SPRED1: variants seen among roughly 807,000 people sequenced by gnomAD.
SPRED1 encodes sprouty-related, EVH1 domain-containing protein 1.
SPRED1 carries 18 observed loss-of-function variants against 52.3 expected under a neutral mutation model. The observed-to-expected ratio is 0.34, with a 90% confidence interval of 0.24 to 0.51. The LOEUF (loss-of-function observed/expected upper bound fraction) is 0.51, where lower values mean the gene tolerates loss of function less well. Ranked by LOEUF, SPRED1 falls within the 20% of genes least tolerant of loss-of-function variation. The probability of loss-of-function intolerance (pLI) is 0.97; values close to 1 mark genes in which losing one functional copy is unlikely to be tolerated. For missense variants in SPRED1, 485 were observed against 551.0 expected (o/e 0.88, Z 1.20); for synonymous variants, 155 against 179.7 (o/e 0.86, Z 1.10).
At chr15:38,259,835 T>G (rs1566846494) in intron 1 of SPRED1, among the ~76,000 whole-genome samples, 3 of 152,238 alleles carry the variant, frequency 2.0e-5, no homozygotes, top group South Asian at 4.1e-4. Context: ...CATAGCTGCA[T>G]CTCAGAATCC....
intron 1 of SPRED1, among the ~76,000 whole-genome samples, chr15:38,283,992 G>GAAT (rs1167804782): frequency 6.6e-6 from 1 of 152,080 alleles, no homozygotes; most frequent in Non-Finnish European, 1.5e-5. Flanking sequence ...TTGTCCATGT[G>GAAT]ATTATAAAAG....
At chr15:38,301,602 C>A (rs1435569971) in intron 2 of SPRED1, among the ~76,000 whole-genome samples, 2 of 152,054 alleles carry the variant, frequency 1.3e-5, no homozygotes, top group East Asian at 3.9e-4. Context: ...TAACTCATGG[C>A]TGTAAATTGA....
rs188754645 is a variant in SPRED1, at chr15:38,352,400, A to T, written c.*736A>T. ...TGAGTTATATCTGTACATTCTGGTAATCTAAAATCCTTAAAAATACTCTAA... is the reference window on the plus strand; with the variant it reads ...TGAGTTATATCTGTACATTCTGGTATTCTAAAATCCTTAAAAATACTCTAA... On this transcript the variant is annotated 3_prime_UTR_variant, in exon 7 of 7. Transcript: ENST00000299084. 6.6e-6 allele frequency: 1 copy of T among 152,550 alleles called. No individual in the cohort carries two copies. Among genetic ancestry groups the T allele is most frequent in the African/African-American group, 2.4e-5 (1 of 41,514 alleles). The allele number at this position is 152,550 out of a possible 1,614,324, so 9.4% of individuals were successfully genotyped here.
intron 4 of SPRED1, among the ~76,000 whole-genome samples, chr15:38,336,514 G>A (rs1895926183): frequency 6.8e-6 from 1 of 146,454 alleles, no homozygotes; most frequent in Admixed American, 6.9e-5. Flanking sequence ...AGAAATCTCT[G>A]GAACAAATAC....
At position 38,336,428 on chromosome 15, in the gene SPRED1, A is replaced by G. The variant is rs2382132; in HGVS notation, c.424-3309A>G. Among the ~76,000 whole-genome samples the G allele has an allele frequency of 9.6e-4, 39 of 40,542 alleles. No homozygotes were observed. The Admixed American group carries it at 0.01, about 11-fold the overall frequency. 26.6% of individuals were successfully genotyped at this position (40,542 alleles called of 152,430 possible). A position where few individuals can be genotyped will look rare whatever the true frequency, so the allele number is the denominator to read the frequency against. ...TGTGTATGTGTATGTGTGTGTATATATATATATAATATTATATATATGTTA... is the reference window on the plus strand; with the variant it reads ...TGTGTATGTGTATGTGTGTGTATATGTATATATAATATTATATATATGTTA... On this transcript the variant is annotated intron_variant, in intron 4 of 6. Transcript: ENST00000299084.
chr15:38,340,019 C>T, intron 5 of SPRED1, 124 bp downstream of exon 5: 2 of 1,230,790 alleles, frequency 1.6e-6, no homozygotes, highest in Non-Finnish European at 2.3e-6. Flanking sequence ...AACAAAAACC[C>T]CACAAACAAA....
intron 1 of SPRED1, among the ~76,000 whole-genome samples, chr15:38,253,527 C>T (rs1399130693): frequency 3.9e-5 from 6 of 152,062 alleles, no homozygotes; most frequent in Non-Finnish European, 8.8e-5. Context: ...CTGTGAGACC[C>T]CTGTCCCGTC....
intron 4 of SPRED1, among the ~76,000 whole-genome samples, chr15:38,335,580 G>A (rs1895896900): frequency 6.6e-6 from 1 of 152,046 alleles, no homozygotes; most frequent in Non-Finnish European, 1.5e-5. Flanking sequence ...TATTTCAGAT[G>A]AAGAGGGAAA....
At chr15:38,337,913 C>A (rs1895952370) in intron 4 of SPRED1, among the ~76,000 whole-genome samples, 1 of 151,336 alleles carries the variant, frequency 6.6e-6, no homozygotes, top group African/African-American at 2.4e-5. Context: ...GGCAGATATT[C>A]AATTTATAAT....
At chr15:38,284,044 G>T (rs1894751946) in intron 1 of SPRED1, among the ~76,000 whole-genome samples, 1 of 152,148 alleles carries the variant, frequency 6.6e-6, no homozygotes, top group South Asian at 2.1e-4. Context: ...CTAAGAGATA[G>T]CCATTATGAC....
At chr15:38,343,215 G>T (rs1896063307) in intron 5 of SPRED1, among the ~76,000 whole-genome samples, 1 of 152,108 alleles carries the variant, frequency 6.6e-6, no homozygotes, top group Non-Finnish European at 1.5e-5. Flanking sequence ...ATTAAGAGGT[G>T]TGCATGACTG....
chr15:38,278,517 T>G (rs111228748), intron 1 of SPRED1, among the ~76,000 whole-genome samples: 6 of 152,340 alleles, frequency 3.9e-5, no homozygotes, highest in African/African-American at 1.4e-4. Flanking sequence ...TCACTCCTTT[T>G]TGTATACTTT....
chr15:38,300,844 C>G (rs1236042069), intron 2 of SPRED1, among the ~76,000 whole-genome samples: 1 of 151,958 alleles, frequency 6.6e-6, no homozygotes, highest in Non-Finnish European at 1.5e-5. Flanking sequence ...TTTTTTAAGC[C>G]TGGAGACATC....
intron 5 of SPRED1, among the ~76,000 whole-genome samples, chr15:38,344,796 T>A (rs1037261306): frequency 6.6e-6 from 1 of 152,178 alleles, no homozygotes; most frequent in African/African-American, 2.4e-5. Context: ...CGTAAGTAAT[T>A]CCTTGTAATT....
intron 1 of SPRED1, among the ~76,000 whole-genome samples, chr15:38,282,127 T>TA (rs767015067): frequency 4.2e-4 from 64 of 152,282 alleles, no homozygotes; most frequent in Non-Finnish European, 1.2e-4. Flanking sequence ...GCATGTTCCA[T>TA]AAATACATCT....
intron 2 of SPRED1, among the ~76,000 whole-genome samples, chr15:38,313,464 A>G (rs1208721007): frequency 1.3e-5 from 2 of 151,926 alleles, no homozygotes; most frequent in African/African-American, 2.4e-5. Flanking sequence ...ATCATATAAC[A>G]TCTTGTGCTA....
At chr15:38,291,187 A>G (rs970447575) in intron 1 of SPRED1, among the ~76,000 whole-genome samples, 8 of 152,204 alleles carry the variant, frequency 5.3e-5, no homozygotes, top group African/African-American at 1.9e-4. Context: ...GGGCAGTCAA[A>G]TTTTAAAGCT....
At chr15:38,349,621 A>G in intron 6 of SPRED1, 98 bp downstream of exon 6, 1 of 901,532 alleles carries the variant, frequency 1.1e-6, no homozygotes, top group East Asian at 2.8e-5. Flanking sequence ...GTTGAATTGT[A>G]CTAGAAAATT....
chr15:38,343,142 C>T (rs1336129331), intron 5 of SPRED1, among the ~76,000 whole-genome samples: 1 of 151,896 alleles, frequency 6.6e-6, no homozygotes, highest in Non-Finnish European at 1.5e-5. Context: ...ACATAAATGC[C>T]CCAATAAAAT....
Sources: allele counts gnomAD v4.1 joint callset (sites outside exome capture counted in the v4.1 genomes callset), GRCh38; gene constraint gnomAD v4.1.1; transcripts MANE v1.5; gene names NCBI Gene and HGNC (gene_info 2026-07-23, HGNC 2026-07-21).